The following PCLO variants were observed in gnomAD, a reference collection of about 807,000 sequenced individuals.
PCLO encodes protein piccolo.
Under a neutral mutation model 427.5 loss-of-function variants are expected in PCLO, and 82 were observed. That is an observed-to-expected ratio of 0.19 (90% CI 0.16 to 0.23). The LOEUF (loss-of-function observed/expected upper bound fraction) is 0.23, where lower values mean the gene tolerates loss of function less well. Ranked by LOEUF, PCLO falls within the 10% of genes least tolerant of loss-of-function variation. The pLI, the probability that PCLO is intolerant of heterozygous loss-of-function variation, is 1.00. For missense variants in PCLO, 6,239 were observed against 6,115.9 expected (o/e 1.02, Z -0.67); for synonymous variants, 2,357 against 2,155.4 (o/e 1.09, Z -2.59).
intron 22 of PCLO, among the ~76,000 whole-genome samples, chr7:82,781,179 C>T (rs1215485186): frequency 6.9e-6 from 1 of 145,924 alleles, no homozygotes; most frequent in East Asian, 1.9e-4. Flanking sequence ...TATAAAAATT[C>T]TTCATTTCAG....
chr7:83,153,568 G>A (rs561238142), intron 2 of PCLO, among the ~76,000 whole-genome samples: 51 of 152,208 alleles, frequency 3.4e-4, no homozygotes, highest in Non-Finnish European at 6.2e-4. Flanking sequence ...TGCCTGCTGT[G>A]TTACTTCCTG....
intron 3 of PCLO, among the ~76,000 whole-genome samples, chr7:83,004,882 T>TA (rs1465289521): frequency 6.6e-6 from 1 of 151,670 alleles, no homozygotes; most frequent in African/African-American, 2.4e-5. Flanking sequence ...TAGTTTTTTT[T>TA]ATTATAAGTC....
rs150142985 is a variant in PCLO, at chr7:82,945,526, G to T, written c.11112+3950C>A. ...ATTAGAGTAGGCCTAAATCAATATG[G>T]TAGTATCCTTATAAAAGGGAAATTT... On this transcript the variant is annotated intron_variant, in intron 6 of 24. Transcript: ENST00000333891. 2.6e-4 allele frequency among the ~76,000 whole-genome samples: 40 copies of T among 152,274 alleles called. 1 individual carries two copies. The highest frequency in any genetic ancestry group is 9.1e-4 in the African/African-American group (38 of 41,558).
chr7:82,854,408 TA>T (rs1792747493), intron 10 of PCLO, among the ~76,000 whole-genome samples: 1 of 152,074 alleles, frequency 6.6e-6, no homozygotes, highest in Non-Finnish European at 1.5e-5. Context: ...ATCATACACT[TA>T]AAAAACATGT....
intron 6 of PCLO, among the ~76,000 whole-genome samples, chr7:82,935,264 C>T (rs1310773096): frequency 6.8e-6 from 1 of 147,930 alleles, no homozygotes; most frequent in Non-Finnish European, 1.5e-5. Context: ...CATGTCTTTG[C>T]AACTTACTTG....
intron 20 of PCLO, among the ~76,000 whole-genome samples, chr7:82,809,663 T>G (rs996248718): frequency 1.3e-5 from 2 of 151,518 alleles, no homozygotes; most frequent in African/African-American, 4.8e-5. Flanking sequence ...TCTGAATGAT[T>G]TAGTAGATAA....
At chr7:82,801,122 A>AT (rs1453304764) in intron 22 of PCLO, among the ~76,000 whole-genome samples, 1 of 149,668 alleles carries the variant, frequency 6.7e-6, no homozygotes, top group East Asian at 2.0e-4. Flanking sequence ...AGCTTCGTAT[A>AT]TTTAAGAATT....
chr7:82,867,629 C>G (rs1793129384), intron 10 of PCLO, among the ~76,000 whole-genome samples: 1 of 152,144 alleles, frequency 6.6e-6, no homozygotes, highest in Non-Finnish European at 1.5e-5. Context: ...ATCCGGAAAT[C>G]TAACTGTAGG....
At chr7:83,134,220 T>TAC (rs1791648874) in intron 3 of PCLO, 30 bp downstream of exon 3, 2 of 303,704 alleles carry the variant, frequency 6.6e-6, no homozygotes, top group Non-Finnish European at 5.5e-6. Flanking sequence ...CCATATGTAA[T>TAC]ATATATATAT....
chr7:82,825,794 T>G lies in PCLO; in HGVS notation c.14415+795A>C, dbSNP rs547470249. 2.7e-5 allele frequency among the ~76,000 whole-genome samples: 4 copies of G among 147,896 alleles called. 1 individual carries two copies. Among genetic ancestry groups the G allele is most frequent in the Non-Finnish European group, 4.5e-5 (3 of 67,182 alleles). ...ATATACACATGATATATACAATATATAAAATATATGTATATACAATGTATA... is the reference window on the plus strand; with the variant it reads ...ATATACACATGATATATACAATATAGAAAATATATGTATATACAATGTATA... On this transcript the variant is annotated intron_variant, in intron 18 of 24. Coordinates refer to ENST00000333891, the MANE Select transcript of PCLO (RefSeq NM_033026.6).
At chr7:83,019,968 A>G (rs1285475573) in intron 3 of PCLO, among the ~76,000 whole-genome samples, 1 of 152,122 alleles carries the variant, frequency 6.6e-6, no homozygotes, top group Non-Finnish European at 1.5e-5. Context: ...TTTGCTTAGG[A>G]GATATGTAGC....
chr7:82,893,269 T>C (rs905833962), intron 9 of PCLO, among the ~76,000 whole-genome samples: 2 of 152,132 alleles, frequency 1.3e-5, no homozygotes, highest in Non-Finnish European at 2.9e-5. Flanking sequence ...TCATGTCCTT[T>C]GTAGGGACAT....
At chr7:82,897,994 T>C (rs191397925) in intron 9 of PCLO, among the ~76,000 whole-genome samples, 1 of 151,618 alleles carries the variant, frequency 6.6e-6, no homozygotes, top group East Asian at 1.9e-4. Context: ...TTAATGCATT[T>C]AAAATAATCT....
At chr7:82,809,983 A>G (rs1053849265) in intron 20 of PCLO, among the ~76,000 whole-genome samples, 2 of 151,706 alleles carry the variant, frequency 1.3e-5, no homozygotes, top group Non-Finnish European at 3.0e-5. Context: ...AATCACAAAT[A>G]TTACATATAT....
chr7:82,865,445 G>A (rs1180604458), intron 10 of PCLO, among the ~76,000 whole-genome samples: 1 of 152,074 alleles, frequency 6.6e-6, no homozygotes, highest in African/African-American at 2.4e-5. Flanking sequence ...CTGAGATCGC[G>A]CCATTGCACT....
intron 6 of PCLO, among the ~76,000 whole-genome samples, chr7:82,917,077 AT>A (rs1187478308): frequency 6.6e-6 from 1 of 152,148 alleles, no homozygotes; most frequent in Admixed American, 6.6e-5. Context: ...AAATTGGCTA[AT>A]TATAACTCCT....
At chr7:83,111,362 A>C (rs942108370) in intron 3 of PCLO, among the ~76,000 whole-genome samples, 11 of 152,230 alleles carry the variant, frequency 7.2e-5, no homozygotes, top group African/African-American at 2.7e-4. Flanking sequence ...GTTACTAATC[A>C]GTTGACTTTC....
In PCLO at chr7:82,916,099, G is replaced by C; in HGVS notation, c.11887C>G (p.Pro3963Ala). ...PSQMMVIQQK[P>A]RQTTLYLEPK... is the part of the protein sequence containing the mutation. The stretch of plus-strand genomic sequence containing the variant: ...TCCAAATATAATGTAGTTTGCCGTG[G>C]CTTCTGTTGTATCACCATCATCTGT... The change falls in exon 7 of 25, where the codon CCA becomes GCA. Residue 3963 changes from proline (P) to alanine (A), a missense_variant. By Grantham distance (27) the Pro-to-Ala change is conservative. Transcript: ENST00000333891. 1.9e-6 allele frequency: 3 copies of C among 1,613,584 alleles called. No individual in the cohort carries two copies. The highest frequency in any genetic ancestry group is 2.5e-6 in the Non-Finnish European group (3 of 1,179,746).
intron 3 of PCLO, among the ~76,000 whole-genome samples, chr7:83,027,375 C>T (rs1248336961): frequency 1.4e-4 from 22 of 152,166 alleles, no homozygotes; most frequent in South Asian, 8.3e-4. Flanking sequence ...ATAAATTCCT[C>T]GACACGTACA....
Sources: allele counts gnomAD v4.1 joint callset (sites outside exome capture counted in the v4.1 genomes callset), GRCh38; gene constraint gnomAD v4.1.1; transcripts MANE v1.5; gene names NCBI Gene and HGNC (gene_info 2026-07-23, HGNC 2026-07-21).